MYO5B: variants seen among roughly 807,000 people sequenced by gnomAD.
The protein encoded by MYO5B is myosin VB.
MYO5B carries 143 observed loss-of-function variants against 229.3 expected under a neutral mutation model. The ratio of observed to expected loss-of-function variants is 0.62; its 90% CI spans 0.54 to 0.72. The LOEUF (loss-of-function observed/expected upper bound fraction) is 0.72, where lower values mean the gene tolerates loss of function less well. Ranked by LOEUF, MYO5B falls within the 30% of genes least tolerant of loss-of-function variation. MYO5B has a pLI of 0.00. For missense variants in MYO5B, 2,321 were observed against 2,331.0 expected (o/e 1.00, Z 0.09); for synonymous variants, 918 against 885.2 (o/e 1.04, Z -0.66).
intron 4 of MYO5B, among the ~76,000 whole-genome samples, chr18:50,016,287 T>G (rs918717331): frequency 6.6e-6 from 1 of 152,220 alleles, no homozygotes; most frequent in Non-Finnish European, 1.5e-5. Flanking sequence ...TCCAATCCTG[T>G]GTGAACCCAA....
chr18:50,033,914 G>C (rs181355379), intron 4 of MYO5B, among the ~76,000 whole-genome samples: 80 of 151,846 alleles, frequency 5.3e-4, no homozygotes, highest in Middle Eastern at 3.4e-3. Context: ...GGAACTCTTG[G>C]GGGGTGGGTA....
At chr18:49,851,431 C>T (rs1469452830) in intron 31 of MYO5B, among the ~76,000 whole-genome samples, 1 of 152,138 alleles carries the variant, frequency 6.6e-6, no homozygotes, top group African/African-American at 2.4e-5. Flanking sequence ...ATTGGAACCA[C>T]CTGGGAATCT....
intron 1 of MYO5B, among the ~76,000 whole-genome samples, chr18:50,055,621 A>G (rs1461284772): frequency 6.6e-6 from 1 of 152,200 alleles, no homozygotes; most frequent in Non-Finnish European, 1.5e-5. Context: ...AATGAAATTA[A>G]AATTCTACCC....
chr18:50,055,604 G>A (rs2030529163), intron 1 of MYO5B, among the ~76,000 whole-genome samples: 1 of 152,134 alleles, frequency 6.6e-6, no homozygotes, highest in Admixed American at 6.6e-5. Flanking sequence ...AAAGAACGTT[G>A]CAGATCAATG....
intron 26 of MYO5B, among the ~76,000 whole-genome samples, chr18:49,875,235 C>T (rs2024504441): frequency 6.6e-6 from 1 of 152,184 alleles, no homozygotes; most frequent in African/African-American, 2.4e-5. Context: ...GGCAAGGGTG[C>T]AGCCATGAGA....
At chr18:50,188,913 G>A (rs921608799) in intron 1 of MYO5B, among the ~76,000 whole-genome samples, 2 of 150,914 alleles carry the variant, frequency 1.3e-5, no homozygotes, top group Non-Finnish European at 2.9e-5. Flanking sequence ...CAAGTCACAA[G>A]TACAAACTTC....
intron 1 of MYO5B, among the ~76,000 whole-genome samples, chr18:50,059,587 C>A (rs2030637340): frequency 6.6e-6 from 1 of 152,182 alleles, no homozygotes; most frequent in African/African-American, 2.4e-5. Context: ...TCCAGTCAAT[C>A]TCCACAATAA....
chr18:49,985,114 A>T (rs1796508154), intron 7 of MYO5B, among the ~76,000 whole-genome samples: 1 of 152,232 alleles, frequency 6.6e-6, no homozygotes, highest in African/African-American at 2.4e-5. Context: ...CAGACAATTC[A>T]GTTTAATAGG....
intron 2 of MYO5B, among the ~76,000 whole-genome samples, chr18:50,043,128 C>A: frequency 6.6e-6 from 1 of 150,702 alleles, no homozygotes; most frequent in Non-Finnish European, 1.5e-5. Flanking sequence ...AAGATACTTG[C>A]TCATGCACGT....
intron 17 of MYO5B, among the ~76,000 whole-genome samples, chr18:49,914,139 C>A (rs746237405): frequency 3.9e-5 from 6 of 152,132 alleles, no homozygotes; most frequent in East Asian, 1.9e-4. Context: ...AGCCATCCAC[C>A]GACGGCAGAG....
chr18:49,908,942 C>T (rs1019781048), intron 18 of MYO5B, among the ~76,000 whole-genome samples: 29 of 152,306 alleles, frequency 1.9e-4, no homozygotes, highest in African/African-American at 6.3e-4. Context: ...CCCTAAACAA[C>T]CACAACAATT....
At chr18:50,104,061 G>T (rs1297578844) in intron 1 of MYO5B, among the ~76,000 whole-genome samples, 1 of 149,436 alleles carries the variant, frequency 6.7e-6, no homozygotes, top group Non-Finnish European at 1.5e-5. Context: ...CTACTCAGGA[G>T]GCTGAGGCAG....
In MYO5B at chr18:50,036,883, G is replaced by A. The variant is rs367890531; in HGVS notation, c.422C>T (p.Ala141Val). Residue 141 changes from alanine to valine, a missense_variant, in exon 4 of 40, where the codon GCT becomes GTT. Physicochemically the swap from Ala to Val is moderately conservative, Grantham distance 64. Transcript: ENST00000285039. ...CTGCTTGTAGGCTTCTTCTGCCACAGCAAAGATGTGGGGGTCCATGTCTCC... is the reference window on the plus strand; with the variant it reads ...CTGCTTGTAGGCTTCTTCTGCCACAACAAAGATGTGGGGGTCCATGTCTCC... ...NMGDMDPHIFAVAEEAYKQMA... is the reference protein window; with the variant it reads ...NMGDMDPHIFVVAEEAYKQMA... 1 of 1,614,016 alleles carries A rather than the reference G, an allele frequency of 6.2e-7. No homozygotes were observed. Among genetic ancestry groups the A allele is most frequent in the African/African-American group, 1.3e-5 (1 of 74,898 alleles).
At chr18:49,886,694 T>C (rs1261622203) in intron 22 of MYO5B, among the ~76,000 whole-genome samples, 2 of 152,094 alleles carry the variant, frequency 1.3e-5, no homozygotes, top group Non-Finnish European at 2.9e-5. Flanking sequence ...ATGCAACAGA[T>C]GTTGTATGTC....
At chr18:50,026,284 T>C (rs950408480) in intron 4 of MYO5B, among the ~76,000 whole-genome samples, 2 of 97,290 alleles carry the variant, frequency 2.1e-5, no homozygotes, top group Admixed American at 2.5e-4. Context: ...ATATATTATT[T>C]TCTGTTTACG....
rs112905294 is a variant in MYO5B at position 49,843,493 on chromosome 18, A to G, written c.4460-101T>C. The G allele has an allele frequency of 2.8e-3, 4,002 of 1,421,920 alleles. 37 individuals are homozygous for G. The highest frequency in any genetic ancestry group is 0.026 in the African/African-American group (1,869 of 71,182). 88.1% of individuals were successfully genotyped at this position (1,421,920 alleles called of 1,614,324 possible). Reference sequence around the variant, plus strand: ...ATAGACGTGTTTTCAATATTTCCCCATAGCTCATCTAGGAATAGATGTCTC... The same window carrying G: ...ATAGACGTGTTTTCAATATTTCCCCGTAGCTCATCTAGGAATAGATGTCTC... On this transcript the variant is annotated intron_variant, in intron 33 of 39. Coordinates refer to ENST00000285039, the MANE Select transcript of MYO5B (RefSeq NM_001080467.3).
intron 1 of MYO5B, among the ~76,000 whole-genome samples, chr18:50,165,588 C>T (rs1227629738): frequency 6.6e-6 from 1 of 152,194 alleles, no homozygotes; most frequent in Non-Finnish European, 1.5e-5. Context: ...CCAGTCTGGC[C>T]AATATGATGA....
rs1448938467 is a variant in MYO5B, at chr18:49,902,698, G to C, written c.2707C>G (p.Leu903Val). 1 of 1,612,238 alleles carries C rather than the reference G, an allele frequency of 6.2e-7. No homozygotes were observed. The change falls in exon 21 of 40, where the codon CTG becomes GTG. Residue 903 changes from leucine (L) to valine (V), a missense_variant. Leu to Val is a conservative substitution (Grantham distance 32). Around this residue, in one of 2 missense-constraint regions of MYO5B, gnomAD observed 2,113 missense variants for 2,044.7 expected, o/e 1.03. Transcript: ENST00000285039. ...CGGGCCTCAATCCTGAGGGCCTTCA[G>C]CTCCCGCCTGGCCTTGAGCATCCGG... ...AFRMLKARRE[L>V]KALRIEARSA...
At chr18:49,847,753 A>G (rs1014309866) in intron 32 of MYO5B, among the ~76,000 whole-genome samples, 3 of 152,236 alleles carry the variant, frequency 2.0e-5, no homozygotes, top group Non-Finnish European at 2.9e-5. Flanking sequence ...GTGTGTGGCC[A>G]CAACGTGGCC....
Sources: gnomAD v4.1 joint callset for allele counts (sites outside exome capture counted in the v4.1 genomes callset) on GRCh38, gnomAD v4.1.1 for gene constraint, gnomAD v4.1.1 regional missense constraint, MANE v1.5 for transcripts, NCBI Gene and HGNC (gene_info 2026-07-23, HGNC 2026-07-21) for gene names.